DAZL: variants seen among roughly 807,000 people sequenced by gnomAD.
The protein encoded by DAZL is deleted in azoospermia-like.
DAZL carries 4 observed loss-of-function variants against 45.0 expected under a neutral mutation model. The ratio of observed to expected loss-of-function variants is 0.09; its 90% CI spans 0.04 to 0.20. DAZL has a LOEUF of 0.20. Ranked by LOEUF, DAZL falls within the 10% of genes least tolerant of loss-of-function variation. The probability of loss-of-function intolerance (pLI) is 1.00; values close to 1 mark genes in which losing one functional copy is unlikely to be tolerated. For synonymous variants in DAZL, 122 were observed against 112.4 expected (o/e 1.09, Z -0.54); for missense variants, 326 against 351.3 (o/e 0.93, Z 0.58).
At position 16,597,594 on chromosome 3, in the gene DAZL, C is replaced by G. The variant is rs1694620219; in HGVS notation, c.243-53G>C. On this transcript the variant is annotated intron_variant, in intron 3 of 10. Coordinates refer to ENST00000399444, the MANE Select transcript of DAZL (RefSeq NM_001351.4). ...AATCACCATCATACAGTACATGGTT[C>G]AGAACTTCTACTATATACGGAAGTG... The G allele has an allele frequency of 2.7e-6, 3 of 1,091,142 alleles. No individual in the cohort carries two copies. The South Asian group carries it at 3.7e-5, about 14-fold the overall frequency. 67.6% of individuals were successfully genotyped at this position (1,091,142 alleles called of 1,614,324 possible).
At chr3:16,604,749 C>A (rs949727260) in intron 1 of DAZL, 14 of 1,358,738 alleles carry the variant, frequency 1.0e-5, no homozygotes, top group Non-Finnish European at 1.3e-5. Context: ...ACGGGGAGAG[C>A]GCGCCAGAAA....
chr3:16,588,582 A>T lies in DAZL; in HGVS notation c.*78T>A. 2 of 1,166,862 alleles carry T rather than the reference A, an allele frequency of 1.7e-6. No individual in the cohort carries two copies. The highest frequency in any genetic ancestry group is 2.4e-5 in the South Asian group (2 of 81,698). 72.3% of individuals were successfully genotyped at this position (1,166,862 alleles called of 1,614,324 possible). A position where few individuals can be genotyped will look rare whatever the true frequency, so the allele number is the denominator to read the frequency against. On this transcript the variant is annotated 3_prime_UTR_variant, in exon 11 of 11. Transcript: ENST00000399444. Reference sequence around the variant, plus strand: ...TGAGTGTGATTTACCAAAATTCAGAATTTCTATAATAGTGGAAACCTTTTA... The same window carrying T: ...TGAGTGTGATTTACCAAAATTCAGATTTTCTATAATAGTGGAAACCTTTTA...
At chr3:16,605,086 G>C in intron 1 of DAZL, 117 bp downstream of exon 1, 1 of 1,324,858 alleles carries the variant, frequency 7.5e-7, no homozygotes, top group Non-Finnish European at 1.1e-6. Flanking sequence ...GTCCAGGCAG[G>C]TGCCCCCCAA....
intron 10 of DAZL, among the ~76,000 whole-genome samples, chr3:16,590,456 A>G (rs576425009): frequency 7.7e-4 from 118 of 152,334 alleles, no homozygotes; most frequent in African/African-American, 2.5e-3. Flanking sequence ...TTTTGAATGT[A>G]AAGTGTGTAG....
chr3:16,605,029 C>G (rs1481703626), intron 1 of DAZL, among the ~76,000 whole-genome samples, 174 bp downstream of exon 1: 1 of 152,254 alleles, frequency 6.6e-6, no homozygotes, highest in Non-Finnish European at 1.5e-5. Flanking sequence ...TAGGCCGCGC[C>G]ACTGCCAGGC....
At chr3:16,598,322 A>G in intron 2 of DAZL, 130 bp downstream of exon 2, 1 of 1,430,022 alleles carries the variant, frequency 7.0e-7, no homozygotes, top group Non-Finnish European at 9.7e-7. Flanking sequence ...TATTTTTAGT[A>G]CCTATGGGTC....
In DAZL at chr3:16,588,558, G is replaced by T; in HGVS notation, c.*102C>A. On this transcript the variant is annotated 3_prime_UTR_variant, in exon 11 of 11. Coordinates refer to ENST00000399444, the MANE Select transcript of DAZL (RefSeq NM_001351.4). The stretch of plus-strand genomic sequence containing the variant: ...ATAATACAACTTATACACAAAGTTT[G>T]AGTGTGATTTACCAAAATTCAGAAT... The T allele has an allele frequency of 1.1e-6, 1 of 871,998 alleles. No individual in the cohort carries two copies. Among genetic ancestry groups the T allele is most frequent in the Non-Finnish European group, 2.0e-6 (1 of 507,864 alleles). The allele number at this position is 871,998 out of a possible 1,614,324, so 54.0% of individuals were successfully genotyped here.
intron 2 of DAZL, 119 bp from the exon 3 acceptor site, chr3:16,598,297 G>A: frequency 7.2e-7 from 1 of 1,393,268 alleles, no homozygotes; most frequent in South Asian, 1.2e-5. Context: ...ATGACCAGTA[G>A]CTCTTTGTCA....
At chr3:16,594,457 C>A in intron 8 of DAZL, 76 bp downstream of exon 8, 1 of 1,102,720 alleles carries the variant, frequency 9.1e-7, no homozygotes. Context: ...ACATGGAAAA[C>A]AATCAAGAAA....
chr3:16,603,187 T>G (rs75093863), intron 1 of DAZL, among the ~76,000 whole-genome samples: 1 of 152,218 alleles, frequency 6.6e-6, no homozygotes, highest in African/African-American at 2.4e-5. Context: ...GTATCATAAT[T>G]TGATAGGCGA....
intron 6 of DAZL, among the ~76,000 whole-genome samples, chr3:16,595,974 C>T (rs1479581745): frequency 1.3e-5 from 2 of 151,552 alleles, no homozygotes; most frequent in Admixed American, 1.3e-4. Context: ...GCAGTAATGA[C>T]TCACAGTAAA....
intron 1 of DAZL, among the ~76,000 whole-genome samples, chr3:16,603,642 A>T (rs1308000755): frequency 6.6e-6 from 1 of 152,186 alleles, no homozygotes. Context: ...CACCGCGCCC[A>T]GCCCATGATA....
intron 9 of DAZL, among the ~76,000 whole-genome samples, chr3:16,592,942 T>A (rs1444960107): frequency 6.6e-6 from 1 of 152,164 alleles, no homozygotes; most frequent in African/African-American, 2.4e-5. Flanking sequence ...TTATGGAAAT[T>A]TGCTCTAATG....
At chr3:16,594,714 G>T in intron 7 of DAZL, 131 bp from the exon 8 acceptor site, 1 of 556,490 alleles carries the variant, frequency 1.8e-6, no homozygotes, top group Non-Finnish European at 3.0e-6. Flanking sequence ...GAAACAGAAT[G>T]AAAAAAAAGT....
chr3:16,598,327 T>C (rs879237659), intron 2 of DAZL, 125 bp downstream of exon 2: 131 of 1,443,740 alleles, frequency 9.1e-5, no homozygotes, highest in South Asian at 6.8e-4. Context: ...TTAGTACCTA[T>C]GGGTCAAATG....
At chr3:16,603,547 G>T (rs535657615) in intron 1 of DAZL, among the ~76,000 whole-genome samples, 5 of 145,786 alleles carry the variant, frequency 3.4e-5, no homozygotes, top group Admixed American at 2.8e-4. Context: ...GGGTTTCGCC[G>T]TATTAGCCAG....
intron 1 of DAZL, among the ~76,000 whole-genome samples, chr3:16,602,585 C>G (rs559066929): frequency 6.6e-6 from 1 of 152,280 alleles, no homozygotes; most frequent in Non-Finnish European, 1.5e-5. Flanking sequence ...AAAGCCTCAT[C>G]AAGATGAGCC....
intron 10 of DAZL, among the ~76,000 whole-genome samples, chr3:16,591,478 G>A (rs938872571): frequency 4.7e-5 from 7 of 149,416 alleles, no homozygotes; most frequent in African/African-American, 9.9e-5. Flanking sequence ...TGCCCAGGCT[G>A]GAGTACAGTG....
At chr3:16,602,966 G>C (rs867557061) in intron 1 of DAZL, among the ~76,000 whole-genome samples, 7 of 152,118 alleles carry the variant, frequency 4.6e-5, no homozygotes, top group African/African-American at 1.7e-4. Flanking sequence ...AAAATAAAAA[G>C]GAAGTTTAAA....
Sources: gnomAD v4.1 joint callset for allele counts (sites outside exome capture counted in the v4.1 genomes callset) on GRCh38, gnomAD v4.1.1 for gene constraint, MANE v1.5 for transcripts, NCBI Gene and HGNC (gene_info 2026-07-23, HGNC 2026-07-21) for gene names.